PLCD1: variants seen among roughly 807,000 people sequenced by gnomAD.
The protein encoded by PLCD1 is phospholipase C delta 1.
PLCD1 carries 71 observed loss-of-function variants against 87.4 expected under a neutral mutation model. The observed-to-expected ratio is 0.81, with a 90% CI of 0.67 to 0.99. The LOEUF is 0.99. PLCD1 is among the 50% of genes least tolerant of loss of function. PLCD1 has a pLI of 0.00. For missense variants in PLCD1, 867 were observed against 1,001.5 expected (o/e 0.87, Z 1.81); for synonymous variants, 348 against 399.2 (o/e 0.87, Z 1.53).
rs768879220 is a variant in PLCD1, at chr3:38,009,771, C to T, written c.1328G>A (p.Gly443Glu). 3.7e-6 allele frequency: 6 copies of T among 1,614,078 alleles called. No homozygotes were observed. In the South Asian group the frequency reaches 6.6e-5, roughly 18 times the overall value. Residue 443 changes from glycine (G) to glutamate (E), a missense_variant, in exon 9 of 15, where the codon GGG becomes GAG. Gly to Glu is a moderately conservative substitution (Grantham distance 98). Coordinates refer to ENST00000334661, the MANE Select transcript of PLCD1 (RefSeq NM_006225.4). ...GKILLKGKKL[G>E]GLLPPGGEGG... is the part of the protein sequence containing the mutation. ...CTCCCCTCCAGGGGGCAGGAGCCCC[C>T]CGAGCTTCTTCCCCTTCAGCAGGAT...
At chr3:38,024,151 C>T in intron 1 of PLCD1, 1 of 612,642 alleles carries the variant, frequency 1.6e-6, no homozygotes, top group Non-Finnish European at 2.9e-6. Context: ...CACCCTAGTA[C>T]TCACCCCGAC....
chr3:38,029,167 C>T (rs1310622397), intron 1 of PLCD1, among the ~76,000 whole-genome samples: 1 of 152,268 alleles, frequency 6.6e-6, no homozygotes, highest in Non-Finnish European at 1.5e-5. Flanking sequence ...CCTTCCTTCG[C>T]CGCCCCTCCG....
intron 1 of PLCD1, among the ~76,000 whole-genome samples, chr3:38,026,531 C>CAAAT (rs778583030): frequency 1.3e-5 from 2 of 151,930 alleles, no homozygotes; most frequent in Admixed American, 1.3e-4. Context: ...AATAAATAAA[C>CAAAT]AAATAAATAA....
intron 1 of PLCD1, among the ~76,000 whole-genome samples, chr3:38,026,202 T>C (rs1700306583): frequency 6.6e-6 from 1 of 152,326 alleles, no homozygotes; most frequent in African/African-American, 2.4e-5. Context: ...TGAATTCTTA[T>C]GTATTTTATT....
rs533307767 is a variant in PLCD1 at position 38,026,144 on chromosome 3, C to T, written c.34+3362G>A. The stretch of plus-strand genomic sequence containing the variant: ...GGGTTCTTAACCAGACCAAAGACCC[C>T]TCAAGAACCTGTAGATAGAATAACA... On this transcript the variant is annotated intron_variant, in intron 1 of 14. Coordinates refer to ENST00000334661, the MANE Select transcript of PLCD1 (RefSeq NM_006225.4). Among the ~76,000 whole-genome samples the T allele has an allele frequency of 2.0e-5, 3 of 152,280 alleles. No individual in the cohort carries two copies. In the South Asian group the frequency reaches 6.2e-4, roughly 32 times the overall value.
At position 38,010,123 on chromosome 3, in the gene PLCD1, A is replaced by T. The variant is rs745874849; in HGVS notation, c.1137+8T>A. 6.2e-7 allele frequency: 1 copy of T among 1,614,176 alleles called. No individual in the cohort carries two copies. The highest frequency in any genetic ancestry group is 1.7e-5 in the Admixed American group (1 of 60,026). On this transcript the variant is annotated splice_region_variant and intron_variant, in intron 7 of 14. Transcript: ENST00000334661. ...ATCCCACTCCTCACCTGCCAGGGGC[A>T]CTCCCACCTTGAAGGCATAGTCCCG...
At chr3:38,015,046 C>T (rs1387611882) in intron 3 of PLCD1, among the ~76,000 whole-genome samples, 1 of 152,164 alleles carries the variant, frequency 6.6e-6, no homozygotes, top group African/African-American at 2.4e-5. Context: ...AACAGTTTGG[C>T]AGTTTCTCAA....
In PLCD1 at chr3:38,009,442, C is replaced by T. The variant is rs374054720; in HGVS notation, c.1447-11G>A. The T allele has an allele frequency of 1.6e-5, 26 of 1,614,020 alleles. No individual in the cohort carries two copies. Among genetic ancestry groups the T allele is most frequent in the East Asian group, 1.6e-4 (7 of 44,882 alleles). On this transcript the variant is annotated splice_polypyrimidine_tract_variant and intron_variant, in intron 9 of 14. Coordinates refer to ENST00000334661, the MANE Select transcript of PLCD1 (RefSeq NM_006225.4). ...CCTGAGCTTGTCCTCCTGGGGAACA[C>T]GGGGAGGCCCGGGTTAGATTCAGTG...
intron 1 of PLCD1, among the ~76,000 whole-genome samples, chr3:38,028,219 C>G (rs764029029): frequency 6.6e-6 from 1 of 152,218 alleles, no homozygotes; most frequent in Non-Finnish European, 1.5e-5. Context: ...GCTAGTCTGG[C>G]AGGCGCACGA....
chr3:38,026,174 A>C (rs1171887339), intron 1 of PLCD1, among the ~76,000 whole-genome samples: 1 of 152,202 alleles, frequency 6.6e-6, no homozygotes, highest in Non-Finnish European at 1.5e-5. Context: ...ATAACATCTC[A>C]AAATAATTGG....
At position 38,009,378 on chromosome 3, in the gene PLCD1, C is replaced by G. The variant is rs1195958816; in HGVS notation, c.1500G>C (p.Lys500Asn). The change falls in exon 10 of 15, where the codon AAG becomes AAC. Residue 500 changes from lysine (K) to asparagine (N), a missense_variant. Transcript: ENST00000334661. ...QELSDMVIYC[K>N]SVHFGGFSSP... ...TGGAGAAGCCCCCAAAGTGGACACT[C>G]TTGCAGTAAATGACCATGTCAGAGA... 6.2e-7 allele frequency: 1 copy of G among 1,614,182 alleles called. No individual in the cohort carries two copies. Among genetic ancestry groups the G allele is most frequent in the South Asian group, 1.1e-5 (1 of 91,084 alleles).
intron 1 of PLCD1, chr3:38,024,370 G>A (rs1280609045): frequency 1.9e-6 from 3 of 1,612,858 alleles, no homozygotes; most frequent in Middle Eastern, 1.6e-4. Flanking sequence ...GCCACCTTAA[G>A]GCTCCGCTCC....
rs776490984 is a variant in PLCD1, at chr3:38,025,668, T to G, written c.34+3838A>C. ...ACCCAGGGTGGCTTTCATAAATACA[T>G]GAGAACGACTGTAACTTTGCACAAA... is the stretch of plus-strand genomic sequence containing the variant. On this transcript the variant is annotated intron_variant, in intron 1 of 14. Coordinates refer to ENST00000334661, the MANE Select transcript of PLCD1 (RefSeq NM_006225.4). This position sits in a 1 kb window ranked among gnomAD's most constrained non-coding sequence, Gnocchi z 4.0. Among the ~76,000 whole-genome samples the G allele has an allele frequency of 6.6e-6, 1 of 152,196 alleles. No individual in the cohort carries two copies. Among genetic ancestry groups the G allele is most frequent in the African/African-American group, 2.4e-5 (1 of 41,448 alleles).
chr3:38,029,371 G>T, intron 1 of PLCD1, 135 bp downstream of exon 1: 2 of 786,666 alleles, frequency 2.5e-6, no homozygotes, highest in Non-Finnish European at 4.3e-6. Context: ...CCAGTCCGGA[G>T]AAGGGGCAGA....
chr3:38,009,065 A>C lies in PLCD1; in HGVS notation c.1700T>G (p.Met567Arg), dbSNP rs1700021593. 6.2e-7 allele frequency: 1 copy of C among 1,613,046 alleles called. No homozygotes were observed. The highest frequency in any genetic ancestry group is 1.3e-5 in the African/African-American group (1 of 74,852). Residue 567 changes from methionine to arginine, a missense_variant, in exon 11 of 15, where the codon ATG becomes AGG. Physicochemically the swap from Met to Arg is moderately conservative, Grantham distance 91 (BLOSUM62 -1). Coordinates refer to ENST00000334661, the MANE Select transcript of PLCD1 (RefSeq NM_006225.4). ...TDSSNYSPVE[M>R]WNGGCQIVAL... ...ACCGATCTGGCAGCCCCCATTCCAC[A>C]TCTCCACGGGGCTGTAGTTGGAGGA...
chr3:38,020,097 G>T (rs1700211200), intron 2 of PLCD1, 91 bp downstream of exon 2: 5 of 1,180,576 alleles, frequency 4.2e-6, no homozygotes, highest in Middle Eastern at 2.6e-4. Flanking sequence ...TTCCCCATCT[G>T]TGGTTTTGAT....
At chr3:38,011,483 C>A (rs113784246) in intron 4 of PLCD1, 38 bp from the exon 5 acceptor site, 1 of 1,613,928 alleles carries the variant, frequency 6.2e-7, no homozygotes, top group Non-Finnish European at 8.5e-7. Flanking sequence ...TCAGAGCAGG[C>A]CTTGGGCCGG....
intron 3 of PLCD1, among the ~76,000 whole-genome samples, chr3:38,012,388 C>T (rs531173828): frequency 3.7e-4 from 57 of 152,140 alleles, no homozygotes; most frequent in African/African-American, 1.0e-3. Flanking sequence ...CTTCAGCACA[C>T]GAATCTCGTG....
chr3:38,024,751 G>C (rs924647069), intron 1 of PLCD1: 8 of 1,355,248 alleles, frequency 5.9e-6, no homozygotes, highest in South Asian at 2.6e-5. Context: ...GTAAATGAGT[G>C]GGGGGAGTCA....
Sources: gnomAD v4.1 joint callset for allele counts (sites outside exome capture counted in the v4.1 genomes callset) on GRCh38, gnomAD v4.1.1 for gene constraint, Gnocchi (gnomAD v3.1) non-coding constraint, MANE v1.5 for transcripts, NCBI Gene and HGNC (gene_info 2026-07-23, HGNC 2026-07-21) for gene names.